PRKCE: variants seen among roughly 807,000 people sequenced by gnomAD.
PRKCE encodes protein kinase C epsilon type.
A neutral mutation model predicts 85.4 loss-of-function variants in PRKCE; 16 were observed. The observed-to-expected ratio is 0.19, with a 90% CI of 0.13 to 0.28. The LOEUF is 0.28. Ranked by LOEUF, PRKCE falls within the 10% of genes least tolerant of loss-of-function variation. The pLI, the probability that PRKCE is intolerant of heterozygous loss-of-function variation, is 1.00. For synonymous variants in PRKCE, 388 were observed against 371.5 expected, an observed-to-expected ratio of 1.04 and a Z score of -0.51; for missense variants, 573 against 975.2, an observed-to-expected ratio of 0.59 and a Z score of 5.49.
At chr2:45,824,075 C>T (rs1455111730) in intron 1 of PRKCE, among the ~76,000 whole-genome samples, 2 of 152,238 alleles carry the variant, frequency 1.3e-5, no homozygotes, top group Non-Finnish European at 2.9e-5. Context: ...GCTGACTGCA[C>T]TCCCAGCTTT....
chr2:45,980,206 C>T, intron 4 of PRKCE, 90 bp from the exon 5 acceptor site: 2 of 1,275,236 alleles, frequency 1.6e-6, no homozygotes, highest in Non-Finnish European at 2.2e-6. Flanking sequence ...CCTGGCTCCC[C>T]TTGTCACTCC....
At chr2:45,824,568 T>TCCTC (rs1558716201) in intron 1 of PRKCE, among the ~76,000 whole-genome samples, 1 of 152,080 alleles carries the variant, frequency 6.6e-6, no homozygotes, top group African/African-American at 2.4e-5. Context: ...GTTGACCATT[T>TCCTC]CCTCCCTCCC....
At chr2:46,115,485 G>A (rs1314616442) in intron 11 of PRKCE, among the ~76,000 whole-genome samples, 1 of 152,168 alleles carries the variant, frequency 6.6e-6, no homozygotes, top group Non-Finnish European at 1.5e-5. Context: ...AAGCTGAGAG[G>A]GGTGTAAGGA....
intron 6 of PRKCE, among the ~76,000 whole-genome samples, chr2:45,986,382 G>T (rs891330212): frequency 1.4e-4 from 22 of 152,186 alleles, no homozygotes; most frequent in African/African-American, 5.3e-4. Flanking sequence ...TGAGGCAGAA[G>T]GGAGAGGGGA....
At position 46,006,748 on chromosome 2, in the gene PRKCE, T is replaced by G. The variant is rs142992093; in HGVS notation, c.1064-714T>G. 3.4e-3 allele frequency among the ~76,000 whole-genome samples: 516 copies of G among 152,342 alleles called. 3 individuals are homozygous for G. The highest frequency in any genetic ancestry group is 0.012 in the African/African-American group (488 of 41,578). Reference sequence around the variant, plus strand: ...TATCTCCCCCAGGTAATTCAGGTCATAAGCTCTAGAGCGGGGCACAAGACT... The same window carrying G: ...TATCTCCCCCAGGTAATTCAGGTCAGAAGCTCTAGAGCGGGGCACAAGACT... On this transcript the variant is annotated intron_variant, in intron 8 of 14. Coordinates refer to ENST00000306156, the MANE Select transcript of PRKCE (RefSeq NM_005400.3).
intron 1 of PRKCE, among the ~76,000 whole-genome samples, chr2:45,784,066 G>C (rs1686404067): frequency 6.6e-6 from 1 of 152,262 alleles, no homozygotes; most frequent in African/African-American, 2.4e-5. Flanking sequence ...TGTCAGGAGA[G>C]CTCTGTGCTG....
intron 1 of PRKCE, among the ~76,000 whole-genome samples, chr2:45,760,826 A>G (rs1684409014): frequency 6.6e-6 from 1 of 152,184 alleles, no homozygotes; most frequent in Non-Finnish European, 1.5e-5. Context: ...CTGTCTGGGT[A>G]TCGGATTTGG....
chr2:46,032,324 T>C (rs1309215165), intron 10 of PRKCE, among the ~76,000 whole-genome samples: 1 of 152,182 alleles, frequency 6.6e-6, no homozygotes, highest in Non-Finnish European at 1.5e-5. Context: ...GCCCTTCCTG[T>C]TCCTGACAAT....
At chr2:45,758,656 A>G (rs139325795) in intron 1 of PRKCE, among the ~76,000 whole-genome samples, 1 of 152,334 alleles carries the variant, frequency 6.6e-6, no homozygotes, top group African/African-American at 2.4e-5. Flanking sequence ...ATAGGTATGT[A>G]TCTTTATTTG....
intron 1 of PRKCE, among the ~76,000 whole-genome samples, chr2:45,736,570 C>T (rs1682081048): frequency 1.3e-5 from 2 of 152,214 alleles, no homozygotes; most frequent in South Asian, 2.1e-4. Flanking sequence ...GTCTACTCCT[C>T]GCTCTGACTT....
At chr2:45,656,108 A>G (rs1461508626) in intron 1 of PRKCE, among the ~76,000 whole-genome samples, 4 of 152,248 alleles carry the variant, frequency 2.6e-5, no homozygotes, top group Admixed American at 6.5e-5. Context: ...CAAATTTAAG[A>G]CTTTTTTCTG....
chr2:45,798,301 A>G (rs1687595479), intron 1 of PRKCE, among the ~76,000 whole-genome samples: 1 of 152,214 alleles, frequency 6.6e-6, no homozygotes, highest in Admixed American at 6.5e-5. Flanking sequence ...TATTATGTCT[A>G]TTTTAGAGAT....
chr2:45,921,537 A>G (rs1228513002), intron 2 of PRKCE, among the ~76,000 whole-genome samples: 1 of 152,238 alleles, frequency 6.6e-6, no homozygotes, highest in Non-Finnish European at 1.5e-5. Context: ...TCTAGCTTAG[A>G]AAGCTCAGTT....
chr2:46,184,585 A>C lies in PRKCE; in HGVS notation c.2068-150A>C, dbSNP rs890417543. ...CCGGGTCCTGGGGCCATCCATCGTT[A>C]CCTCATCGGGACAGCCCCGTGTCTG... is the stretch of plus-strand genomic sequence containing the variant. On this transcript the variant is annotated intron_variant, in intron 14 of 14. Transcript: ENST00000306156. The surrounding 1 kb of genome is among the most constrained non-coding windows in gnomAD (Gnocchi z 5.0). 7.2e-6 allele frequency: 7 copies of C among 973,104 alleles called. No individual in the cohort carries two copies. In the African/African-American group the frequency reaches 9.8e-5, roughly 14 times the overall value. 60.3% of individuals were successfully genotyped at this position (973,104 alleles called of 1,614,324 possible). A position where few individuals can be genotyped will look rare whatever the true frequency, so the allele number is the denominator to read the frequency against.
chr2:46,173,577 G>C (rs573510704), intron 14 of PRKCE, among the ~76,000 whole-genome samples: 11 of 152,332 alleles, frequency 7.2e-5, no homozygotes, highest in African/African-American at 2.6e-4. Context: ...AGCCAGGAAG[G>C]GGCTCTGTCC....
chr2:46,099,117 G>A (rs1173179402), intron 11 of PRKCE, among the ~76,000 whole-genome samples: 2 of 152,118 alleles, frequency 1.3e-5, no homozygotes, highest in African/African-American at 4.8e-5. Flanking sequence ...ATTCTGGTAA[G>A]CAAGGAGCTG....
chr2:45,973,891 A>T (rs1167762217), intron 2 of PRKCE, among the ~76,000 whole-genome samples: 1 of 152,228 alleles, frequency 6.6e-6, no homozygotes, highest in Non-Finnish European at 1.5e-5. Context: ...GTTTCCCAGG[A>T]TGAAAACAAC....
In PRKCE at chr2:45,895,620, G is replaced by C. The variant is rs958891356; in HGVS notation, c.412+52557G>C. Among the ~76,000 whole-genome samples the C allele has an allele frequency of 1.3e-5, 2 of 152,312 alleles. No homozygotes were observed. Among genetic ancestry groups the C allele is most frequent in the African/African-American group, 4.8e-5 (2 of 41,564 alleles). ...CAAAATGATCATGTTTTATTCATTTGGTAGAAGTCACTCTAATGGCATGCA... is the reference window on the plus strand; with the variant it reads ...CAAAATGATCATGTTTTATTCATTTCGTAGAAGTCACTCTAATGGCATGCA... On this transcript the variant is annotated intron_variant, in intron 2 of 14. Transcript: ENST00000306156. The surrounding 1 kb of genome is among the most constrained non-coding windows in gnomAD (Gnocchi z 4.8).
intron 1 of PRKCE, among the ~76,000 whole-genome samples, chr2:45,832,605 C>T (rs1391006991): frequency 3.3e-5 from 5 of 152,012 alleles, no homozygotes; most frequent in African/African-American, 1.2e-4. Context: ...GCCACCGCAC[C>T]CGGCCAAGGA....
Sources: allele counts gnomAD v4.1 joint callset (sites outside exome capture counted in the v4.1 genomes callset), GRCh38; gene constraint gnomAD v4.1.1; non-coding constraint Gnocchi (gnomAD v3.1); transcripts MANE v1.5; gene names NCBI Gene and HGNC (gene_info 2026-07-23, HGNC 2026-07-21).